The following ABLIM3 variants were observed in gnomAD, a reference collection of about 807,000 sequenced individuals.
ABLIM3 encodes actin binding LIM protein family member 3.
Under a neutral mutation model 109.5 loss-of-function variants are expected in ABLIM3, and 61 were observed. That is an observed-to-expected ratio of 0.56 (90% CI 0.45 to 0.69). The LOEUF is 0.69. Among genes scored for constraint, ABLIM3 ranks in the 30% least tolerant of loss-of-function variants. The probability of loss-of-function intolerance (pLI) is 0.00; values close to 1 mark genes in which losing one functional copy is unlikely to be tolerated. For synonymous variants in ABLIM3, 300 were observed against 324.8 expected, an observed-to-expected ratio of 0.92 and a Z score of 0.82; for missense variants, 796 against 889.5, an observed-to-expected ratio of 0.89 and a Z score of 1.34.
intron 2 of ABLIM3, among the ~76,000 whole-genome samples, chr5:149,167,885 T>C (rs1046708910): frequency 6.6e-6 from 1 of 152,192 alleles, no homozygotes; most frequent in Non-Finnish European, 1.5e-5. Flanking sequence ...GCCTTTGACC[T>C]GAGATCTGTG....
chr5:149,145,363 G>A (rs1007652690), intron 2 of ABLIM3, among the ~76,000 whole-genome samples: 11 of 152,164 alleles, frequency 7.2e-5, no homozygotes, highest in Admixed American at 6.5e-4. Flanking sequence ...TGGTATAAAT[G>A]TACTACATTT....
At chr5:149,168,813 A>G (rs1168686507) in intron 2 of ABLIM3, among the ~76,000 whole-genome samples, 1 of 152,256 alleles carries the variant, frequency 6.6e-6, no homozygotes, top group East Asian at 1.9e-4. Context: ...AAATTCTGTC[A>G]GTGCTGAAGA....
chr5:149,167,227 A>G (rs1561545566), intron 2 of ABLIM3, among the ~76,000 whole-genome samples: 2 of 152,298 alleles, frequency 1.3e-5, no homozygotes, highest in East Asian at 3.9e-4. Flanking sequence ...TGTCATTCTC[A>G]TTGTTTTACT....
At chr5:149,222,808 T>C (rs555621362) in intron 8 of ABLIM3, among the ~76,000 whole-genome samples, 161 of 152,040 alleles carry the variant, frequency 1.1e-3, no homozygotes, top group African/African-American at 3.7e-3. Flanking sequence ...TTGTTATGGG[T>C]TGTGGAACGC....
chr5:149,148,304 G>A (rs1438519851), intron 2 of ABLIM3, among the ~76,000 whole-genome samples: 1 of 152,040 alleles, frequency 6.6e-6, no homozygotes, highest in African/African-American at 2.4e-5. Context: ...CAGCAGGTGG[G>A]GTCTGGTCCT....
In ABLIM3 at chr5:149,247,915, T is replaced by C. The variant is rs776050391; in HGVS notation, c.1685T>C (p.Met562Thr). ...REALHTAGYE[M>T]SLNGSPRSHY... is the part of the protein sequence containing the mutation. ...GCCCTGCACACAGCTGGCTATGAGA[T>C]GTCCCTCAATGGCTGTAAGCATGGC... Residue 562 changes from methionine (M) to threonine (T), a missense_variant, in exon 18 of 24, where the codon ATG becomes ACG. Coordinates refer to ENST00000309868, the MANE Select transcript of ABLIM3 (RefSeq NM_014945.5). 20 of 1,613,986 alleles carry C rather than the reference T, an allele frequency of 1.2e-5. No individual in the cohort carries two copies. In the East Asian group the frequency reaches 2.2e-4, roughly 18 times the overall value.
chr5:149,242,539 G>A lies in ABLIM3; in HGVS notation c.1351+1G>A. On this transcript the variant is annotated splice_donor_variant, in intron 15 of 23. Coordinates refer to ENST00000309868, the MANE Select transcript of ABLIM3 (RefSeq NM_014945.5). LOFTEE classifies it high-confidence loss of function. ...AAACCCCCGATCTACAAACGGCATGGTATGGTCAGAGGTAGATAGGGCTTG... is the reference window on the plus strand; with the variant it reads ...AAACCCCCGATCTACAAACGGCATGATATGGTCAGAGGTAGATAGGGCTTG... 1 of 1,614,082 alleles carries A rather than the reference G, an allele frequency of 6.2e-7. No individual in the cohort carries two copies. The highest frequency in any genetic ancestry group is 2.2e-5 in the East Asian group (1 of 44,872).
At chr5:149,234,459 T>G (rs1328251809) in intron 10 of ABLIM3, among the ~76,000 whole-genome samples, 1 of 152,236 alleles carries the variant, frequency 6.6e-6, no homozygotes, top group Non-Finnish European at 1.5e-5. Context: ...TGTCCACTAC[T>G]GCCAGATCAT....
chr5:149,164,412 A>G (rs1754647864), intron 2 of ABLIM3, among the ~76,000 whole-genome samples: 1 of 152,234 alleles, frequency 6.6e-6, no homozygotes, highest in Non-Finnish European at 1.5e-5. Context: ...GAAGTCTGAT[A>G]AAGATATAAA....
intron 8 of ABLIM3, among the ~76,000 whole-genome samples, chr5:149,223,576 C>A (rs1760881554): frequency 6.6e-6 from 1 of 152,172 alleles, no homozygotes; most frequent in Non-Finnish European, 1.5e-5. Flanking sequence ...CCGTGAGCAC[C>A]ATCAGGTGGT....
intron 12 of ABLIM3, 82 bp from the exon 13 acceptor site, chr5:149,239,677 C>T: frequency 6.7e-7 from 1 of 1,497,026 alleles, no homozygotes; most frequent in South Asian, 1.4e-5. Flanking sequence ...GATTCCATGT[C>T]ATGCCCACCT....
chr5:149,256,968 T>G (rs181565123), intron 23 of ABLIM3, among the ~76,000 whole-genome samples: 2 of 152,374 alleles, frequency 1.3e-5, no homozygotes, highest in East Asian at 3.9e-4. Context: ...CCAAAAATTA[T>G]CAATATTACC....
intron 2 of ABLIM3, among the ~76,000 whole-genome samples, chr5:149,159,595 C>T (rs1754149023): frequency 1.3e-5 from 2 of 152,144 alleles, no homozygotes; most frequent in African/African-American, 4.8e-5. Context: ...ATAGAATAGG[C>T]TTGCAAACAG....
intron 9 of ABLIM3, among the ~76,000 whole-genome samples, chr5:149,232,498 A>G (rs1011399): frequency 0.41 from 61,920 of 152,054 alleles, 13,006 homozygotes; most frequent in East Asian, 0.62. Context: ...ACAGTCCACA[A>G]TTTAGGAAAC....
At chr5:149,208,532 A>G (rs1437284685) in intron 6 of ABLIM3, among the ~76,000 whole-genome samples, 1 of 152,090 alleles carries the variant, frequency 6.6e-6, no homozygotes, top group Non-Finnish European at 1.5e-5. Context: ...CCAACACTCC[A>G]GGCTTCCATA....
chr5:149,166,631 G>A (rs1413171875), intron 2 of ABLIM3, among the ~76,000 whole-genome samples: 2 of 152,274 alleles, frequency 1.3e-5, no homozygotes, highest in African/African-American at 4.8e-5. Context: ...TTAACCCCCA[G>A]TCTAATTTAG....
In ABLIM3 at chr5:149,142,281, ACT is replaced by A. The variant is rs146334328; in HGVS notation, c.13+176_13+177del. On this transcript the variant is annotated intron_variant, in intron 2 of 23. Coordinates refer to ENST00000309868, the MANE Select transcript of ABLIM3 (RefSeq NM_014945.5). ...TCCTTGGCAGAGGGATAGCTTCATG[ACT>A]CTGGCTTTTCGTGATAATTTTGCCA... 4.7e-3 allele frequency among the ~76,000 whole-genome samples: 715 copies of A among 152,028 alleles called. 7 individuals are homozygous for A. Among genetic ancestry groups the A allele is most frequent in the African/African-American group, 0.017 (692 of 41,450 alleles).
chr5:149,199,744 C>T (rs1295661518), intron 4 of ABLIM3, among the ~76,000 whole-genome samples: 2 of 152,144 alleles, frequency 1.3e-5, no homozygotes, highest in Admixed American at 6.5e-5. Flanking sequence ...CAACAGTAGG[C>T]GTGGTGGTGC....
Position 149,237,553 on chromosome 5 carries a change from C to A in ABLIM3, c.994C>A (p.His332Asn), listed in dbSNP as rs767959596. The A allele has an allele frequency of 2.5e-6, 4 of 1,614,248 alleles. No homozygotes were observed. The highest frequency in any genetic ancestry group is 3.4e-6 in the Non-Finnish European group (4 of 1,180,046). The change falls in exon 11 of 24, where the codon CAT becomes AAT. Residue 332 changes from histidine (H) to asparagine (N), a missense_variant. By Grantham distance (68) the His-to-Asn change is moderately conservative. Coordinates refer to ENST00000309868, the MANE Select transcript of ABLIM3 (RefSeq NM_014945.5). ...CCCCGACCTCATTTCCTATGAGCCT[C>A]ATTCCAGATACATGTCCGACGAGAT... is the stretch of plus-strand genomic sequence containing the variant. ...QRPDLISYEP[H>N]SRYMSDEMLE...
Sources: allele counts gnomAD v4.1 joint callset (sites outside exome capture counted in the v4.1 genomes callset), GRCh38; gene constraint gnomAD v4.1.1; transcripts MANE v1.5; gene names NCBI Gene and HGNC (gene_info 2026-07-23, HGNC 2026-07-21).